The following ARHGEF4 variants were observed in gnomAD, a reference collection of about 807,000 sequenced individuals.
ARHGEF4 encodes the protein APC-stimulated guanine nucleotide exchange factor 1.
Under a neutral mutation model 162.0 loss-of-function variants are expected in ARHGEF4, and 119 were observed. That is an observed-to-expected ratio of 0.73 (90% CI 0.63 to 0.86). The LOEUF is 0.86. Ranked by LOEUF, ARHGEF4 falls within the 40% of genes least tolerant of loss-of-function variation. The pLI, the probability that ARHGEF4 is intolerant of heterozygous loss-of-function variation, is 0.00. For synonymous variants in ARHGEF4, 1,014 were observed against 979.9 expected, an observed-to-expected ratio of 1.03 and a Z score of -0.65; for missense variants, 2,488 against 2,456.0, an observed-to-expected ratio of 1.01 and a Z score of -0.28.
chr2:130,991,001 A>G (rs965182847), intron 4 of ARHGEF4, among the ~76,000 whole-genome samples: 1 of 152,232 alleles, frequency 6.6e-6, no homozygotes, highest in Non-Finnish European at 1.5e-5. Flanking sequence ...ATTTAGTGAT[A>G]CAGGGCATTT....
chr2:130,856,760 A>C (rs1289525449), intron 1 of ARHGEF4, among the ~76,000 whole-genome samples: 2 of 152,222 alleles, frequency 1.3e-5, no homozygotes, highest in African/African-American at 4.8e-5. Context: ...ATATGTAACT[A>C]ACCTGCACGT....
At chr2:130,940,461 A>G (rs1683218574) in intron 3 of ARHGEF4, among the ~76,000 whole-genome samples, 1 of 151,734 alleles carries the variant, frequency 6.6e-6, no homozygotes, top group African/African-American at 2.4e-5. Flanking sequence ...ATGCCCGACT[A>G]ATTTTTTGTA....
Position 130,968,951 on chromosome 2 carries a change from T to A in ARHGEF4, c.3985+22316T>A, listed in dbSNP as rs115073324. On this transcript the variant is annotated intron_variant, in intron 4 of 13. Coordinates refer to ENST00000409359, the MANE Select transcript of ARHGEF4 (RefSeq NM_001367493.1). ...AAATTAAATTAAAAATAAAGAAATA[T>A]GAACTATCCATTATACTTGGAGCTG... Among the ~76,000 whole-genome samples the A allele has an allele frequency of 6.0e-3, 914 of 152,204 alleles. 8 individuals carry two copies. Among genetic ancestry groups the A allele is most frequent in the African/African-American group, 0.021 (882 of 41,530 alleles).
rs372979735 is a variant in ARHGEF4, at chr2:131,027,997, C to T, written c.4038C>T (p.Ser1346=). The T allele has an allele frequency of 3.6e-5, 58 of 1,613,942 alleles. No individual in the cohort carries two copies. Among genetic ancestry groups the T allele is most frequent in the East Asian group, 1.1e-4 (5 of 44,902 alleles). ...DTAVCADEVG[S]EEDLYDDLHS... is the part of the protein sequence containing the mutation. ...CTGTCTGCGCTGACGAAGTGGGGAG[C>T]GAGGAGGACCTGTATGATGACCTGC... Residue 1346 remains serine, a synonymous_variant, in exon 5 of 14, where the codon AGC becomes AGT. Coordinates refer to ENST00000409359, the MANE Select transcript of ARHGEF4 (RefSeq NM_001367493.1).
At chr2:131,039,463 C>G (rs762190650) in intron 6 of ARHGEF4, 351 of 1,021,866 alleles carry the variant, frequency 3.4e-4, no homozygotes, top group Non-Finnish European at 4.1e-4. Flanking sequence ...GACCTGGATT[C>G]CATCTAAGGG....
At chr2:130,980,171 T>C (rs946068572) in intron 4 of ARHGEF4, among the ~76,000 whole-genome samples, 2 of 152,078 alleles carry the variant, frequency 1.3e-5, no homozygotes, top group African/African-American at 4.8e-5. Flanking sequence ...CCGAGGCAGG[T>C]GGATCACTTG....
At chr2:130,976,309 C>G (rs954063336) in intron 4 of ARHGEF4, among the ~76,000 whole-genome samples, 1 of 151,262 alleles carries the variant, frequency 6.6e-6, no homozygotes, top group African/African-American at 2.4e-5. Context: ...CTAGAGCTCT[C>G]AAAACTCATT....
At chr2:130,900,692 A>G (rs1322858919) in intron 1 of ARHGEF4, among the ~76,000 whole-genome samples, 2 of 152,126 alleles carry the variant, frequency 1.3e-5, no homozygotes, top group Non-Finnish European at 2.9e-5. Flanking sequence ...GTTGGGATCA[A>G]TGGATTGTTT....
chr2:130,980,624 G>A lies in ARHGEF4; in HGVS notation c.3985+33989G>A, dbSNP rs115336991. Among the ~76,000 whole-genome samples the A allele has an allele frequency of 6.5e-3, 990 of 152,180 alleles. 10 individuals are homozygous for A. Among genetic ancestry groups the A allele is most frequent in the African/African-American group, 0.023 (957 of 41,520 alleles). On this transcript the variant is annotated intron_variant, in intron 4 of 13. Coordinates refer to ENST00000409359, the MANE Select transcript of ARHGEF4 (RefSeq NM_001367493.1). Reference sequence around the variant, plus strand: ...ACATCAACACACATTTCTAAGATTGGTTTCTAGATACAGTACTGACGACTG... The same window carrying A: ...ACATCAACACACATTTCTAAGATTGATTTCTAGATACAGTACTGACGACTG...
rs1017596555 is a variant in ARHGEF4 at position 130,916,209 on chromosome 2, C to G, written c.2263C>G (p.Pro755Ala). Residue 755 changes from proline to alanine, a missense_variant, in exon 2 of 14, where the codon CCC (proline) becomes GCC (alanine). Around this residue, in one of 6 missense-constraint regions of ARHGEF4, gnomAD observed 1,642 missense variants for 1,481.5 expected, o/e 1.11. Transcript: ENST00000409359. ...GSGERGPEEA[P>A]EGGAAAARGQ... Reference sequence around the variant, plus strand: ...AGGGGAGCGTGGCCCGGAGGAGGCCCCCGAAGGCGGTGCTGCAGCAGCCCG... The same window carrying G: ...AGGGGAGCGTGGCCCGGAGGAGGCCGCCGAAGGCGGTGCTGCAGCAGCCCG... The G allele has an allele frequency of 2.6e-6, 4 of 1,546,574 alleles. No individual in the cohort carries two copies. The highest frequency in any genetic ancestry group is 1.4e-5 in the African/African-American group (1 of 72,964).
chr2:130,971,722 A>G (rs953919266), intron 4 of ARHGEF4, among the ~76,000 whole-genome samples: 2 of 150,850 alleles, frequency 1.3e-5, no homozygotes, highest in Admixed American at 6.6e-5. Flanking sequence ...GAGTTTTGAT[A>G]TGGATTGTGT....
At chr2:131,030,102 G>A (rs576260808) in intron 5 of ARHGEF4, among the ~76,000 whole-genome samples, 1 of 152,336 alleles carries the variant, frequency 6.6e-6, no homozygotes, top group East Asian at 1.9e-4. Context: ...CCCAACCAAA[G>A]CCCTCAGGAC....
intron 4 of ARHGEF4, among the ~76,000 whole-genome samples, chr2:130,992,015 C>T (rs1304795368): frequency 6.6e-6 from 1 of 152,212 alleles, no homozygotes; most frequent in Admixed American, 6.5e-5. Flanking sequence ...CCAGTCAGCA[C>T]CCTGTGTCTA....
intron 4 of ARHGEF4, among the ~76,000 whole-genome samples, chr2:130,995,692 T>G (rs1687334702): frequency 6.6e-6 from 1 of 152,180 alleles, no homozygotes; most frequent in South Asian, 2.1e-4. Flanking sequence ...TAAGGTTACT[T>G]CGGTCCAATT....
chr2:130,846,123 A>C (rs528230421), intron 1 of ARHGEF4, among the ~76,000 whole-genome samples: 1 of 152,360 alleles, frequency 6.6e-6, no homozygotes, highest in Non-Finnish European at 1.5e-5. Context: ...TCTGTTGCCC[A>C]GGTCCTTCTC....
chr2:131,028,703 C>T (rs2105370255), intron 5 of ARHGEF4, among the ~76,000 whole-genome samples: 1 of 152,314 alleles, frequency 6.6e-6, no homozygotes, highest in South Asian at 2.1e-4. Context: ...TTCTCACTCA[C>T]CCTCCTACTT....
intron 4 of ARHGEF4, among the ~76,000 whole-genome samples, chr2:130,991,729 G>A (rs1041351876): frequency 1.3e-5 from 2 of 152,158 alleles, no homozygotes; most frequent in Non-Finnish European, 2.9e-5. Flanking sequence ...GCCTTCCCCC[G>A]CCTCCATGGA....
chr2:130,868,548 T>A (rs1682465000), intron 1 of ARHGEF4, among the ~76,000 whole-genome samples: 1 of 151,960 alleles, frequency 6.6e-6, no homozygotes, highest in Non-Finnish European at 1.5e-5. Context: ...GAATACAAGC[T>A]AAGGATTTCA....
intron 4 of ARHGEF4, among the ~76,000 whole-genome samples, chr2:131,012,182 C>T (rs1399562867): frequency 1.3e-5 from 2 of 152,012 alleles, no homozygotes; most frequent in East Asian, 1.9e-4. Context: ...GGGTCCTCCT[C>T]GTGTAGGCAG....
Sources: gnomAD v4.1 joint callset for allele counts (sites outside exome capture counted in the v4.1 genomes callset) on GRCh38, gnomAD v4.1.1 for gene constraint, gnomAD v4.1.1 regional missense constraint, MANE v1.5 for transcripts, NCBI Gene and HGNC (gene_info 2026-07-23, HGNC 2026-07-21) for gene names.